The following ANKRD30B variants were observed in gnomAD, a reference collection of about 807,000 sequenced individuals.
ANKRD30B encodes ankyrin repeat domain 30B.
ANKRD30B carries 144 observed loss-of-function variants against 202.2 expected under a neutral mutation model. That is an observed-to-expected ratio of 0.71 (90% CI 0.62 to 0.82). ANKRD30B has a LOEUF of 0.82. Among genes scored for constraint, ANKRD30B ranks in the 40% least tolerant of loss-of-function variants. The probability of loss-of-function intolerance (pLI) is 0.00; values close to 1 mark genes in which losing one functional copy is unlikely to be tolerated. For missense variants in ANKRD30B, 1,487 were observed against 1,669.1 expected (o/e 0.89, Z 1.90); for synonymous variants, 508 against 561.3 (o/e 0.91, Z 1.34).
chr18:14,770,493 T>G (rs1162037771), intron 8 of ANKRD30B, among the ~76,000 whole-genome samples: 1 of 152,100 alleles, frequency 6.6e-6, no homozygotes, highest in African/African-American at 2.4e-5. Context: ...TGGGTCTAAT[T>G]AAACAAATGG....
At chr18:14,836,338 A>G (rs2792551) in intron 34 of ANKRD30B, among the ~76,000 whole-genome samples, 1 of 152,118 alleles carries the variant, frequency 6.6e-6, no homozygotes, top group African/African-American at 2.4e-5. Flanking sequence ...GTAAATAACA[A>G]CTAGGAAGTA....
chr18:14,886,484 C>G, the ANKRD30B span, among the ~76,000 whole-genome samples: 2 of 151,786 alleles, frequency 1.3e-5, no homozygotes, highest in South Asian at 4.1e-4. Context: ...TTTATACTAC[C>G]AGGAATGGAT....
chr18:14,780,143 A>G (rs1283775853), intron 11 of ANKRD30B, 122 bp downstream of exon 11: 2 of 750,996 alleles, frequency 2.7e-6, no homozygotes, highest in African/African-American at 1.8e-5. Flanking sequence ...AGAAATTCTG[A>G]TATTTCTAAA....
chr18:14,766,381 G>A (rs1217571762), intron 7 of ANKRD30B, among the ~76,000 whole-genome samples: 1 of 143,018 alleles, frequency 7.0e-6, no homozygotes, highest in Non-Finnish European at 1.5e-5. Flanking sequence ...GCTGAGGCAG[G>A]AGAATGGCAT....
the ANKRD30B span, among the ~76,000 whole-genome samples, chr18:14,940,735 G>A: frequency 2.6e-5 from 4 of 152,166 alleles, 1 homozygote; most frequent in South Asian, 8.3e-4. Flanking sequence ...TTTCTGTTGT[G>A]GGGCATAACG....
the ANKRD30B span, among the ~76,000 whole-genome samples, chr18:14,869,368 G>A: frequency 1.3e-5 from 2 of 151,066 alleles, no homozygotes; most frequent in African/African-American, 4.9e-5. Flanking sequence ...AAGGAAACAT[G>A]GATGGTGTTC....
intron 8 of ANKRD30B, 57 bp from the exon 9 acceptor site, chr18:14,772,099 A>T: frequency 8.5e-7 from 1 of 1,170,036 alleles, no homozygotes; most frequent in Non-Finnish European, 1.2e-6. Context: ...GAACTAGCAG[A>T]TTTTCTTTTT....
chr18:14,780,657 T>A lies in ANKRD30B; in HGVS notation c.1482+636T>A, dbSNP rs143459291. On this transcript the variant is annotated intron_variant, in intron 11 of 43. Transcript: ENST00000690538. ...GTCCACCTGTGGGCAAATATATGAT[T>A]CAGTGGTATATCTAGATGTACAAAA... 1.4e-4 allele frequency among the ~76,000 whole-genome samples: 22 copies of A among 152,376 alleles called. 1 individual carries two copies. In the East Asian group the frequency reaches 4.0e-3, roughly 28 times the overall value.
chr18:14,773,582 G>T (rs758966706), intron 9 of ANKRD30B, among the ~76,000 whole-genome samples: 24 of 151,624 alleles, frequency 1.6e-4, no homozygotes, highest in Non-Finnish European at 3.2e-4. Context: ...GTAGTAAATA[G>T]GAAAGAAGAT....
intron 30 of ANKRD30B, among the ~76,000 whole-genome samples, chr18:14,821,748 G>A (rs936514097): frequency 3.9e-5 from 6 of 152,180 alleles, no homozygotes; most frequent in Admixed American, 2.6e-4. Context: ...ATGAGCCATG[G>A]CACCTGGACT....
At chr18:14,831,181 GAAAAAA>G (rs71305894) in intron 33 of ANKRD30B, among the ~76,000 whole-genome samples, 196 bp from the exon 34 acceptor site, 1 of 52,352 alleles carries the variant, frequency 1.9e-5, no homozygotes, top group African/African-American at 7.5e-5. Context: ...CTCCGTCTCG[GAAAAAA>G]AAAAAAAAAA....
intron 36 of ANKRD30B, among the ~76,000 whole-genome samples, chr18:14,839,168 T>C (rs147600717): frequency 0.012 from 1,767 of 152,296 alleles, 41 homozygotes; most frequent in African/African-American, 0.04. Context: ...TATGCTGCAG[T>C]AGTAGGAAGA....
At chr18:14,921,485 C>T in the ANKRD30B span, among the ~76,000 whole-genome samples, 1 of 152,150 alleles carries the variant, frequency 6.6e-6, no homozygotes, top group Non-Finnish European at 1.5e-5. Context: ...TCACGAGGCC[C>T]CACCCTGTCT....
chr18:14,868,409 G>A, the ANKRD30B span, among the ~76,000 whole-genome samples: 2 of 152,406 alleles, frequency 1.3e-5, no homozygotes, highest in South Asian at 4.1e-4. Context: ...ACAGAATTTA[G>A]GGGCTTACGA....
the ANKRD30B span, among the ~76,000 whole-genome samples, chr18:14,920,870 A>C: frequency 6.6e-6 from 1 of 152,250 alleles, no homozygotes; most frequent in Non-Finnish European, 1.5e-5. Context: ...GTGCAAGTGC[A>C]TGTAAGATTG....
intron 24 of ANKRD30B, among the ~76,000 whole-genome samples, chr18:14,805,247 T>C (rs1366546820): frequency 6.6e-6 from 1 of 151,064 alleles, no homozygotes; most frequent in Non-Finnish European, 1.5e-5. Flanking sequence ...ACCATAATTC[T>C]GAATTTATGA....
intron 3 of ANKRD30B, among the ~76,000 whole-genome samples, chr18:14,754,441 AT>A (rs1913998527): frequency 6.6e-6 from 1 of 152,190 alleles, no homozygotes; most frequent in Admixed American, 6.5e-5. Context: ...AACATAGATA[AT>A]GGTGGAATCT....
intron 39 of ANKRD30B, among the ~76,000 whole-genome samples, chr18:14,843,689 G>A (rs1357479350): frequency 2.6e-5 from 4 of 152,086 alleles, no homozygotes; most frequent in Non-Finnish European, 4.4e-5. Context: ...AGCTACTCGG[G>A]AGGCTGAGGC....
chr18:14,898,830 A>G, the ANKRD30B span, among the ~76,000 whole-genome samples: 10 of 152,158 alleles, frequency 6.6e-5, no homozygotes, highest in African/African-American at 2.4e-4. Flanking sequence ...CCATTTCCAC[A>G]TAACAGCCCT....
Sources: gnomAD v4.1 joint callset for allele counts (sites outside exome capture counted in the v4.1 genomes callset) on GRCh38, gnomAD v4.1.1 for gene constraint, MANE v1.5 for transcripts, NCBI Gene and HGNC (gene_info 2026-07-23, HGNC 2026-07-21) for gene names.